NUBPL: variants seen among roughly 807,000 people sequenced by gnomAD.
The protein encoded by NUBPL is NUBP iron-sulfur cluster assembly factor, mitochondrial, also known as iron-sulfur cluster transfer protein NUBPL.
NUBPL carries 31 observed loss-of-function variants against 45.7 expected under a neutral mutation model. That is an observed-to-expected ratio of 0.68 (90% CI 0.51 to 0.92). The LOEUF is 0.92. Ranked by LOEUF, NUBPL falls within the 40% of genes least tolerant of loss-of-function variation. The pLI is 0.00. For synonymous variants in NUBPL, 144 were observed against 140.9 expected, an observed-to-expected ratio of 1.02 and a Z score of -0.15; for missense variants, 401 against 398.7, an observed-to-expected ratio of 1.01 and a Z score of -0.05.
rs551244858 is a variant in NUBPL at position 31,841,696 on chromosome 14, T to A, written c.694-4775T>A. ...AACTTTGTGTCCTGCTAGAAAAATC[T>A]CTGCCTGCCTGCAGCATTAGTATAT... On this transcript the variant is annotated intron_variant, in intron 8 of 10. Transcript: ENST00000281081. Among the ~76,000 whole-genome samples the A allele has an allele frequency of 5.3e-5, 8 of 152,294 alleles. No homozygotes were observed. In the South Asian group the frequency reaches 1.2e-3, roughly 24 times the overall value.
At chr14:31,855,537 C>T (rs376516027) in intron 10 of NUBPL, among the ~76,000 whole-genome samples, 13 of 151,974 alleles carry the variant, frequency 8.6e-5, no homozygotes, top group African/African-American at 2.2e-4. Flanking sequence ...GCTTGTTTTA[C>T]GTGTCTAAGT....
intron 6 of NUBPL, among the ~76,000 whole-genome samples, chr14:31,700,894 G>A (rs1182807046): frequency 6.6e-6 from 1 of 152,286 alleles, no homozygotes; most frequent in Middle Eastern, 3.4e-3. Flanking sequence ...CTGCTCCAGG[G>A]CTCCCGGTCC....
chr14:31,787,251 T>C (rs1343157821), intron 6 of NUBPL, among the ~76,000 whole-genome samples: 1 of 152,150 alleles, frequency 6.6e-6, no homozygotes, highest in Non-Finnish European at 1.5e-5. Context: ...AGGTGAATAT[T>C]CTGGGTATAA....
chr14:31,682,002 T>A (rs1446168028), intron 6 of NUBPL, among the ~76,000 whole-genome samples: 1 of 152,168 alleles, frequency 6.6e-6, no homozygotes, highest in Non-Finnish European at 1.5e-5. Context: ...GACTGCATTT[T>A]TAAATTATTT....
intron 3 of NUBPL, among the ~76,000 whole-genome samples, chr14:31,578,309 G>T (rs1471331099): frequency 1.3e-5 from 2 of 152,178 alleles, no homozygotes; most frequent in Admixed American, 6.5e-5. Flanking sequence ...ACAAGCTTTG[G>T]TAAGATTAAG....
In NUBPL at chr14:31,859,320, C is replaced by A; in HGVS notation, c.*140C>A. The stretch of plus-strand genomic sequence containing the variant: ...AAGGAAAGAATGTCTTCATATTTGA[C>A]TTGCTAAGCTAAGGTTCACAAAACT... On this transcript the variant is annotated 3_prime_UTR_variant, in exon 11 of 11. Coordinates refer to ENST00000281081, the MANE Select transcript of NUBPL (RefSeq NM_025152.3). 1 of 776,544 alleles carries A rather than the reference C, an allele frequency of 1.3e-6. No homozygotes were observed. Among genetic ancestry groups the A allele is most frequent in the Non-Finnish European group, 2.2e-6 (1 of 450,752 alleles). The allele number at this position is 776,544 out of a possible 1,614,324, so 48.1% of individuals were successfully genotyped here.
intron 9 of NUBPL, 51 bp downstream of exon 9, chr14:31,846,642 G>A (rs1238569442): frequency 6.2e-7 from 1 of 1,606,168 alleles, no homozygotes; most frequent in Admixed American, 1.7e-5. Flanking sequence ...AGAGAAAGTG[G>A]GGATGAGGCT....
At chr14:31,839,720 A>T (rs1425220395) in intron 8 of NUBPL, among the ~76,000 whole-genome samples, 1 of 152,226 alleles carries the variant, frequency 6.6e-6, no homozygotes, top group East Asian at 1.9e-4. Context: ...TATTCAAAGT[A>T]TATGAGGAAC....
chr14:31,736,678 A>G (rs1235597686), intron 6 of NUBPL, among the ~76,000 whole-genome samples: 2 of 152,186 alleles, frequency 1.3e-5, no homozygotes, highest in African/African-American at 4.8e-5. Context: ...TGTATGTTTT[A>G]TGGGATTCAG....
At chr14:31,702,197 T>C (rs377322016) in intron 6 of NUBPL, among the ~76,000 whole-genome samples, 16 of 152,358 alleles carry the variant, frequency 1.1e-4, no homozygotes, top group African/African-American at 3.8e-4. Flanking sequence ...GCCTCTGTTG[T>C]CTTTTCCCCT....
intron 10 of NUBPL, among the ~76,000 whole-genome samples, chr14:31,852,265 C>T (rs1003899377): frequency 1.3e-5 from 2 of 152,158 alleles, no homozygotes; most frequent in African/African-American, 4.8e-5. Context: ...CTGAAACTGC[C>T]TGTATAAGAT....
chr14:31,747,578 T>C (rs568833295), intron 6 of NUBPL, among the ~76,000 whole-genome samples: 75 of 152,326 alleles, frequency 4.9e-4, no homozygotes, highest in African/African-American at 1.8e-3. Flanking sequence ...CATTTCTTCT[T>C]GGTTTTCCAA....
intron 6 of NUBPL, among the ~76,000 whole-genome samples, chr14:31,697,054 G>A (rs979585616): frequency 1.3e-5 from 2 of 152,206 alleles, no homozygotes; most frequent in Non-Finnish European, 2.9e-5. Context: ...AAGCAAAGAT[G>A]TTTGGGTCGT....
intron 6 of NUBPL, among the ~76,000 whole-genome samples, chr14:31,694,672 C>T (rs10145898): frequency 0.085 from 12,958 of 152,204 alleles, 661 homozygotes; most frequent in African/African-American, 0.14. Flanking sequence ...TGCGCCATGA[C>T]GTCTGGCTAA....
intron 7 of NUBPL, among the ~76,000 whole-genome samples, chr14:31,800,311 G>A (rs1365379975): frequency 6.6e-6 from 1 of 152,146 alleles, no homozygotes; most frequent in Non-Finnish European, 1.5e-5. Flanking sequence ...AATCACAAAT[G>A]TTATTTGGTA....
rs113631561 is a variant in NUBPL at position 31,610,997 on chromosome 14, G to A, written c.382+11618G>A. Among the ~76,000 whole-genome samples the A allele has an allele frequency of 2.4e-4, 36 of 152,212 alleles. 1 individual carries two copies. Among genetic ancestry groups the A allele is most frequent in the African/African-American group, 7.2e-4 (30 of 41,554 alleles). On this transcript the variant is annotated intron_variant, in intron 4 of 10. Coordinates refer to ENST00000281081, the MANE Select transcript of NUBPL (RefSeq NM_025152.3). ...CATAATGAATGGAGAAAAACTGAAA[G>A]CCTTCCCTCTAATATCTGGAACATG...
intron 4 of NUBPL, among the ~76,000 whole-genome samples, chr14:31,670,416 A>T (rs1441311650): frequency 6.6e-6 from 1 of 151,962 alleles, no homozygotes; most frequent in African/African-American, 2.4e-5. Flanking sequence ...CTACCATTTT[A>T]TAGGTTGTCT....
At chr14:31,793,837 TTTTA>T (rs1284467982) in intron 7 of NUBPL, among the ~76,000 whole-genome samples, 2 of 125,064 alleles carry the variant, frequency 1.6e-5, no homozygotes, top group African/African-American at 1.0e-4. Flanking sequence ...TCTTTTTTTT[TTTTA>T]TTTTTTTTTT....
In NUBPL at chr14:31,600,677, C is replaced by T. The variant is rs555015734; in HGVS notation, c.382+1298C>T. Among the ~76,000 whole-genome samples the T allele has an allele frequency of 1.1e-3, 167 of 152,164 alleles. No homozygotes were observed. In the Middle Eastern group the frequency reaches 0.014, roughly 12 times the overall value. ...AGCCCTTTGTCAGATGAGTAGGTTG[C>T]AAAAATTTTCTCCCATTTTGTAGGT... On this transcript the variant is annotated intron_variant, in intron 4 of 10. Coordinates refer to ENST00000281081, the MANE Select transcript of NUBPL (RefSeq NM_025152.3).
Sources: allele counts gnomAD v4.1 joint callset (sites outside exome capture counted in the v4.1 genomes callset), GRCh38; gene constraint gnomAD v4.1.1; transcripts MANE v1.5; gene names NCBI Gene and HGNC (gene_info 2026-07-23, HGNC 2026-07-21).